PTPRD: variants seen among roughly 807,000 people sequenced by gnomAD.
The protein encoded by PTPRD is receptor-type tyrosine-protein phosphatase delta.
PTPRD carries 34 observed loss-of-function variants against 214.5 expected under a neutral mutation model. The ratio of observed to expected loss-of-function variants is 0.16; its 90% CI spans 0.12 to 0.21. The LOEUF is 0.21. Ranked by LOEUF, PTPRD falls within the 10% of genes least tolerant of loss-of-function variation. The pLI, the probability that PTPRD is intolerant of heterozygous loss-of-function variation, is 1.00. For synonymous variants in PTPRD, 1,128 were observed against 845.7 expected, an observed-to-expected ratio of 1.33 and a Z score of -5.79; for missense variants, 2,545 against 2,398.7, an observed-to-expected ratio of 1.06 and a Z score of -1.27.
chr9:8,866,830 G>A (rs2098205616), intron 11 of PTPRD, among the ~76,000 whole-genome samples: 1 of 151,894 alleles, frequency 6.6e-6, no homozygotes. Flanking sequence ...ACTTCCATTA[G>A]AATATCTGAT....
chr9:10,142,250 C>G (rs1311553554), intron 3 of PTPRD, among the ~76,000 whole-genome samples: 1 of 151,242 alleles, frequency 6.6e-6, no homozygotes, highest in African/African-American at 2.4e-5. Context: ...AAAGCAATGG[C>G]AACAAAAGCC....
chr9:8,564,368 A>G (rs2087949813), intron 14 of PTPRD, among the ~76,000 whole-genome samples: 1 of 152,176 alleles, frequency 6.6e-6, no homozygotes. Context: ...ATACACACAT[A>G]CTATCAGGCG....
intron 44 of PTPRD, among the ~76,000 whole-genome samples, chr9:8,321,507 A>ATATATATATATATG (rs1827935979): frequency 7.0e-5 from 7 of 100,008 alleles, no homozygotes; most frequent in African/African-American, 3.0e-4. Flanking sequence ...ATATATATAT[A>ATATATATATATATG]TATATATATA....
chr9:8,558,555 T>G (rs1441394524), intron 14 of PTPRD, among the ~76,000 whole-genome samples: 1 of 152,176 alleles, frequency 6.6e-6, no homozygotes, highest in African/African-American at 2.4e-5. Context: ...GAAACAGCCT[T>G]TTCACATGTG....
intron 12 of PTPRD, among the ~76,000 whole-genome samples, chr9:8,689,832 G>C (rs1480062351): frequency 6.6e-6 from 1 of 152,096 alleles, no homozygotes; most frequent in Non-Finnish European, 1.5e-5. Context: ...TTTGGGCCAG[G>C]CACAGTGGTT....
intron 12 of PTPRD, among the ~76,000 whole-genome samples, chr9:8,637,570 T>A (rs1260741620): frequency 2.0e-5 from 3 of 152,194 alleles, no homozygotes; most frequent in Non-Finnish European, 1.5e-5. Flanking sequence ...ACATCCTCCA[T>A]CTCCTTTAAA....
intron 14 of PTPRD, among the ~76,000 whole-genome samples, chr9:8,532,808 G>A (rs1185055143): frequency 2.0e-5 from 3 of 151,986 alleles, no homozygotes; most frequent in African/African-American, 7.2e-5. Flanking sequence ...TGTTTGGAAT[G>A]GCAGCTATAA....
intron 11 of PTPRD, among the ~76,000 whole-genome samples, chr9:8,755,127 C>G (rs1023786431): frequency 2.0e-5 from 3 of 151,736 alleles, no homozygotes; most frequent in African/African-American, 7.3e-5. Context: ...GGTAAAAACT[C>G]CTTTGAAAAA....
chr9:9,987,109 G>T (rs918082203), intron 4 of PTPRD, among the ~76,000 whole-genome samples: 1 of 152,096 alleles, frequency 6.6e-6, no homozygotes, highest in Non-Finnish European at 1.5e-5. Flanking sequence ...ATCAAGCAGA[G>T]ATTAGACTGT....
intron 30 of PTPRD, 58 bp downstream of exon 30, chr9:8,484,061 T>G: frequency 6.4e-7 from 1 of 1,557,308 alleles, no homozygotes; most frequent in Non-Finnish European, 8.7e-7. Context: ...TTTTGAGATA[T>G]AATGTTCCTA....
intron 11 of PTPRD, among the ~76,000 whole-genome samples, chr9:8,765,844 T>C (rs574088839): frequency 2.0e-5 from 3 of 152,316 alleles, no homozygotes; most frequent in African/African-American, 7.2e-5. Flanking sequence ...ATTATGACTT[T>C]TCAGCTGTTT....
rs116385654 is a variant in PTPRD, at chr9:9,494,358, T to A, written c.-237+80374A>T. On this transcript the variant is annotated intron_variant, in intron 8 of 45. Transcript: ENST00000381196. ...TGGGTAAAATGATATCAAACAGCAT[T>A]GCATAGAACAAAACTTTTGTGAAAG... Among the ~76,000 whole-genome samples, 643 of 152,278 alleles carry A rather than the reference T, an allele frequency of 4.2e-3. 1 individual carries two copies. The highest frequency in any genetic ancestry group is 0.014 in the African/African-American group (576 of 41,552).
intron 14 of PTPRD, among the ~76,000 whole-genome samples, chr9:8,605,206 T>C (rs546919872): frequency 6.6e-6 from 1 of 152,248 alleles, no homozygotes; most frequent in African/African-American, 2.4e-5. Context: ...AATAATGAAG[T>C]TGGAAAAATG....
At chr9:9,045,281 T>G (rs1289522690) in intron 10 of PTPRD, among the ~76,000 whole-genome samples, 1 of 152,134 alleles carries the variant, frequency 6.6e-6, no homozygotes, top group Non-Finnish European at 1.5e-5. Flanking sequence ...GGGTCAGTCA[T>G]GTTGATTAGA....
chr9:10,360,372 C>G (rs1208921092), intron 2 of PTPRD, among the ~76,000 whole-genome samples: 1 of 152,228 alleles, frequency 6.6e-6, no homozygotes, highest in Non-Finnish European at 1.5e-5. Flanking sequence ...ATTTATTTTA[C>G]TATATCAGAC....
chr9:9,234,411 T>G (rs4390000), intron 9 of PTPRD, among the ~76,000 whole-genome samples: 17,405 of 152,218 alleles, frequency 0.11, 1,242 homozygotes, highest in Non-Finnish European at 0.15. Context: ...GGACAGGGAC[T>G]GCTGTGAAGG....
intron 7 of PTPRD, among the ~76,000 whole-genome samples, chr9:9,616,576 G>GACT (rs1262663326): frequency 6.6e-6 from 1 of 152,086 alleles, no homozygotes; most frequent in Non-Finnish European, 1.5e-5. Context: ...ATTATATCAT[G>GACT]ACTTCTGATC....
intron 3 of PTPRD, among the ~76,000 whole-genome samples, chr9:10,267,471 G>A (rs1045428036): frequency 1.3e-5 from 2 of 151,934 alleles, no homozygotes; most frequent in Non-Finnish European, 2.9e-5. Flanking sequence ...TTTTTTTAAT[G>A]GTTAAGTTTT....
At chr9:9,793,037 G>T (rs1488305936) in intron 5 of PTPRD, among the ~76,000 whole-genome samples, 1 of 152,196 alleles carries the variant, frequency 6.6e-6, no homozygotes, top group East Asian at 1.9e-4. Context: ...GCACAAAAAT[G>T]ACCTTGTAAC....
Sources: gnomAD v4.1 joint callset for allele counts (sites outside exome capture counted in the v4.1 genomes callset) on GRCh38, gnomAD v4.1.1 for gene constraint, MANE v1.5 for transcripts, NCBI Gene and HGNC (gene_info 2026-07-23, HGNC 2026-07-21) for gene names.